Variants in LRRC49 observed in about 807,000 individuals in gnomAD.
The protein encoded by LRRC49 is leucine rich repeat containing 49, also known as leucine-rich repeat-containing protein 49.
A neutral mutation model predicts 83.3 loss-of-function variants in LRRC49; 50 were observed. The ratio of observed to expected loss-of-function variants is 0.60; its 90% confidence interval spans 0.48 to 0.76. LRRC49 has a LOEUF of 0.76. LRRC49 is among the 30% of genes least tolerant of loss of function. LRRC49 has a pLI of 0.00. For synonymous variants in LRRC49, 286 were observed against 283.3 expected (o/e 1.01, Z -0.10); for missense variants, 704 against 809.1 (o/e 0.87, Z 1.58).
intron 1 of LRRC49, among the ~76,000 whole-genome samples, chr15:70,866,430 C>T (rs550419396): frequency 1.3e-5 from 2 of 152,252 alleles, no homozygotes; most frequent in Admixed American, 6.5e-5. Context: ...CAGGCGTGAG[C>T]GACCACGTCC....
chr15:70,859,290 T>C (rs969698733), intron 1 of LRRC49: 3 of 824,824 alleles, frequency 3.6e-6, no homozygotes, highest in African/African-American at 1.7e-5. Context: ...GAGAATGAAT[T>C]TGTCCTCATC....
chr15:70,926,993 C>A (rs2035226546), intron 7 of LRRC49, among the ~76,000 whole-genome samples: 1 of 152,174 alleles, frequency 6.6e-6, no homozygotes, highest in African/African-American at 2.4e-5. Flanking sequence ...TGCTTATCAT[C>A]ACTGGCCATC....
At chr15:71,018,907 G>T (rs1021541941) in intron 14 of LRRC49, among the ~76,000 whole-genome samples, 1 of 152,126 alleles carries the variant, frequency 6.6e-6, no homozygotes. Flanking sequence ...GTGGCTCACA[G>T]AACACAAGGA....
chr15:71,027,056 T>C (rs1018321663), intron 14 of LRRC49, among the ~76,000 whole-genome samples: 2 of 152,222 alleles, frequency 1.3e-5, no homozygotes, highest in Non-Finnish European at 2.9e-5. Flanking sequence ...GGTTTTCTTC[T>C]AGGGGTTTTG....
intron 2 of LRRC49, among the ~76,000 whole-genome samples, chr15:70,877,003 C>T (rs2033165821): frequency 2.0e-5 from 3 of 152,140 alleles, no homozygotes. Context: ...TGCCACTCTC[C>T]TTCTCACTCA....
chr15:70,993,714 C>A (rs1325845788), intron 11 of LRRC49, among the ~76,000 whole-genome samples: 1 of 152,044 alleles, frequency 6.6e-6, no homozygotes, highest in Non-Finnish European at 1.5e-5. Context: ...TGAAATAATA[C>A]AGGTCAGTTC....
chr15:70,948,692 C>G (rs1026310094), intron 8 of LRRC49, among the ~76,000 whole-genome samples: 3 of 152,060 alleles, frequency 2.0e-5, no homozygotes, highest in Admixed American at 1.3e-4. Context: ...TTTTGCAGTC[C>G]TAGCTCTGGA....
chr15:71,006,593 T>A (rs959079793), intron 11 of LRRC49, among the ~76,000 whole-genome samples: 1 of 152,106 alleles, frequency 6.6e-6, no homozygotes, highest in Non-Finnish European at 1.5e-5. Context: ...AACTTCATCA[T>A]TGTCCCACTT....
chr15:71,019,852 T>G (rs2038940658), intron 14 of LRRC49, among the ~76,000 whole-genome samples: 1 of 152,190 alleles, frequency 6.6e-6, no homozygotes, highest in South Asian at 2.1e-4. Flanking sequence ...GAAGTTACTT[T>G]CATCTTGTCT....
intron 14 of LRRC49, among the ~76,000 whole-genome samples, chr15:71,021,427 G>A (rs1234948254): frequency 2.0e-5 from 3 of 152,060 alleles, no homozygotes; most frequent in Admixed American, 6.6e-5. Flanking sequence ...AAGAGAAAAC[G>A]AAAAATAGAA....
intron 9 of LRRC49, among the ~76,000 whole-genome samples, chr15:70,974,720 T>TAAAAAAAAAA (rs1343976655): frequency 2.3e-5 from 3 of 129,152 alleles, no homozygotes; most frequent in Non-Finnish European, 3.3e-5. Flanking sequence ...CAAAGCATTG[T>TAAAAAAAAAA]AAAAAAAAAA....
At chr15:70,944,283 TGAAGA>T (rs1207463392) in intron 8 of LRRC49, among the ~76,000 whole-genome samples, 12 of 152,296 alleles carry the variant, frequency 7.9e-5, no homozygotes, top group Admixed American at 5.2e-4. Context: ...AAATCCTCTC[TGAAGA>T]GAAAAGTCAA....
chr15:71,002,019 C>A (rs1179376816), intron 11 of LRRC49, among the ~76,000 whole-genome samples: 1 of 152,092 alleles, frequency 6.6e-6, no homozygotes, highest in African/African-American at 2.4e-5. Context: ...TCTGAAAGTA[C>A]AAAGTGAAGA....
At chr15:70,892,030 C>G, upstream of LRRC49, 2 of 1,613,260 alleles carry the variant, frequency 1.2e-6, no homozygotes, top group Non-Finnish European at 8.5e-7. Context: ...CGCCTGCCAC[C>G]AGCCTCAGGC....
chr15:70,890,963 T>A (rs865919396), upstream of LRRC49, among the ~76,000 whole-genome samples: 1 of 152,274 alleles, frequency 6.6e-6, no homozygotes, highest in Middle Eastern at 3.4e-3. Flanking sequence ...TCTTAATAAT[T>A]GCAAGATGCC....
intron 3 of LRRC49, among the ~76,000 whole-genome samples, chr15:70,896,638 A>G (rs1183822815): frequency 6.6e-6 from 1 of 152,192 alleles, no homozygotes; most frequent in Non-Finnish European, 1.5e-5. Flanking sequence ...GACAGCCATT[A>G]GCTTTCTGTA....
Position 70,864,335 on chromosome 15 carries a change from T to C in LRRC49, c.-298-8573T>C, listed in dbSNP as rs565693386. 1.0e-3 allele frequency among the ~76,000 whole-genome samples: 158 copies of C among 152,196 alleles called. 1 individual carries two copies. In the South Asian group the frequency reaches 0.013, roughly 13 times the overall value. ...ATGACTTCTAATTTGTAGCCCAGAC[T>C]GCACATTCTAAAGACACCGAGAGGC... On this transcript the variant is annotated intron_variant, in intron 1 of 16. Coordinates refer to the LRRC49 transcript ENST00000544974.
intron 11 of LRRC49, among the ~76,000 whole-genome samples, chr15:70,986,443 A>G (rs908653466): frequency 1.2e-4 from 18 of 151,838 alleles, no homozygotes; most frequent in East Asian, 3.9e-4. Context: ...TTTGTCTGTT[A>G]TTGGTGTATA....
intron 12 of LRRC49, among the ~76,000 whole-genome samples, chr15:71,008,987 C>T (rs979482416): frequency 1.3e-5 from 2 of 151,594 alleles, no homozygotes; most frequent in African/African-American, 4.8e-5. Flanking sequence ...TACAGTTGTC[C>T]CCTAACAATG....
Sources: allele counts gnomAD v4.1 joint callset (sites outside exome capture counted in the v4.1 genomes callset), GRCh38; gene constraint gnomAD v4.1.1; transcripts MANE v1.5; gene names NCBI Gene and HGNC (gene_info 2026-07-23, HGNC 2026-07-21).